The following DIP2C variants were observed in gnomAD, a reference collection of about 807,000 sequenced individuals.
DIP2C encodes disco-interacting protein 2 homolog C.
Under a neutral mutation model 192.4 loss-of-function variants are expected in DIP2C, and 33 were observed. The ratio of observed to expected loss-of-function variants is 0.17; its 90% CI spans 0.13 to 0.23. The LOEUF (loss-of-function observed/expected upper bound fraction) is 0.23, where lower values mean the gene tolerates loss of function less well. DIP2C is among the 10% of genes least tolerant of loss of function. The pLI, the probability that DIP2C is intolerant of heterozygous loss-of-function variation, is 1.00. For missense variants in DIP2C, 1,537 were observed against 2,110.1 expected (o/e 0.73, Z 5.32); for synonymous variants, 979 against 864.1 (o/e 1.13, Z -2.33).
intron 1 of DIP2C, among the ~76,000 whole-genome samples, chr10:502,125 G>C (rs890285214): frequency 6.6e-6 from 1 of 152,214 alleles, no homozygotes; most frequent in Admixed American, 6.5e-5. Flanking sequence ...CAGCATGGGT[G>C]ATAGTGACCC....
At chr10:446,227 C>A (rs1201080218) in intron 3 of DIP2C, among the ~76,000 whole-genome samples, 1 of 151,012 alleles carries the variant, frequency 6.6e-6, no homozygotes, top group Non-Finnish European at 1.5e-5. Context: ...TGTGAAAAGT[C>A]TCACAGTCCA....
chr10:388,385 T>C (rs1013687500), intron 13 of DIP2C, among the ~76,000 whole-genome samples: 3 of 152,208 alleles, frequency 2.0e-5, no homozygotes, highest in African/African-American at 7.2e-5. Context: ...ATGCTGGCCC[T>C]GAACAGACCT....
intron 22 of DIP2C, among the ~76,000 whole-genome samples, chr10:362,010 G>A (rs1480074314): frequency 6.6e-6 from 1 of 151,826 alleles, no homozygotes; most frequent in African/African-American, 2.4e-5. Context: ...GTGGGAGGGG[G>A]CGGAAACAAA....
intron 26 of DIP2C, 148 bp from the exon 27 acceptor site, chr10:345,258 G>A (rs2132592280): frequency 1.2e-6 from 1 of 810,172 alleles, no homozygotes; most frequent in Admixed American, 2.0e-5. Flanking sequence ...GCTGGCTAAG[G>A]TAGGACAGAG....
At chr10:573,008 A>G (rs1849921507) in intron 1 of DIP2C, among the ~76,000 whole-genome samples, 1 of 152,104 alleles carries the variant, frequency 6.6e-6, no homozygotes, top group Admixed American at 6.5e-5. Context: ...GGCAGTAAAT[A>G]AACATGTTTT....
chr10:596,315 G>T (rs540619872), intron 1 of DIP2C, among the ~76,000 whole-genome samples: 2 of 151,964 alleles, frequency 1.3e-5, no homozygotes, highest in Admixed American at 1.3e-4. Context: ...TTTAAGACCA[G>T]CCTGGCCAAC....
At chr10:573,655 C>A (rs1344992055) in intron 1 of DIP2C, among the ~76,000 whole-genome samples, 2 of 152,178 alleles carry the variant, frequency 1.3e-5, no homozygotes, top group African/African-American at 2.4e-5. Flanking sequence ...AGCAATCCGC[C>A]CGCCTCGGCC....
rs1048328524 is a variant in DIP2C at position 277,235 on chromosome 10, G to T, written c.*90C>A. 2.6e-6 allele frequency: 4 copies of T among 1,543,300 alleles called. No homozygotes were observed. The highest frequency in any genetic ancestry group is 1.7e-4 in the Middle Eastern group (1 of 5,804). ...TCTCACCACAAATGGCTGTATTCTG[G>T]TGAGTGTTGCCCTGTGTCTGCACGC... On this transcript the variant is annotated 3_prime_UTR_variant, in exon 37 of 37. Transcript: ENST00000280886.
At chr10:360,332 C>T (rs1050425394) in intron 22 of DIP2C, among the ~76,000 whole-genome samples, 1 of 152,162 alleles carries the variant, frequency 6.6e-6, no homozygotes, top group African/African-American at 2.4e-5. Context: ...TCCCAAATGC[C>T]CCCAGGGTAT....
intron 30 of DIP2C, among the ~76,000 whole-genome samples, chr10:328,963 AAC>A (rs1039432577): frequency 6.6e-6 from 1 of 152,248 alleles, no homozygotes; most frequent in Admixed American, 6.5e-5. Context: ...TAAAAAATGA[AAC>A]ACAACACTGT....
At chr10:334,420 TTCTG>T (rs1230789566) in intron 29 of DIP2C, among the ~76,000 whole-genome samples, 9 of 152,090 alleles carry the variant, frequency 5.9e-5, no homozygotes, top group Admixed American at 3.9e-4. Flanking sequence ...TTCTACTTAA[TTCTG>T]TCTTTTGATA....
intron 1 of DIP2C, among the ~76,000 whole-genome samples, chr10:548,497 A>G (rs1848419223): frequency 7.4e-6 from 1 of 134,886 alleles, no homozygotes; most frequent in Non-Finnish European, 1.6e-5. Context: ...GCCAGAGGTG[A>G]TGTGGCCAGG....
At chr10:577,002 G>A (rs965037053) in intron 1 of DIP2C, among the ~76,000 whole-genome samples, 2 of 152,094 alleles carry the variant, frequency 1.3e-5, no homozygotes, top group African/African-American at 2.4e-5. Context: ...TTCATTAGCT[G>A]GTAGTTGATC....
chr10:462,532 A>G (rs1969877427), intron 3 of DIP2C, among the ~76,000 whole-genome samples: 1 of 152,246 alleles, frequency 6.6e-6, no homozygotes, highest in Non-Finnish European at 1.5e-5. Flanking sequence ...GCAGGAATTA[A>G]TAGCCTACCA....
intron 1 of DIP2C, among the ~76,000 whole-genome samples, chr10:601,923 G>GT (rs574681821): frequency 1.9e-3 from 284 of 152,298 alleles, no homozygotes; most frequent in African/African-American, 5.2e-3. Flanking sequence ...CACGCGTTTT[G>GT]TTCTGATTGA....
chr10:689,388 C>A lies in DIP2C; in HGVS notation c.85+106G>T. The stretch of plus-strand genomic sequence containing the variant: ...CTCCGGGCTGGGGTCGCACCTCCCC[C>A]TCCGGGCCCGGCCCCCGCCCCGCCG... On this transcript the variant is annotated intron_variant, in intron 1 of 36. Transcript: ENST00000280886. This position sits in a 1 kb window ranked among gnomAD's most constrained non-coding sequence, Gnocchi z 6.1. The A allele has an allele frequency of 1.6e-6, 1 of 644,354 alleles. No homozygotes were observed. The highest frequency in any genetic ancestry group is 7.6e-4 in the Middle Eastern group (1 of 1,316). The allele number at this position is 644,354 out of a possible 1,614,324, so 39.9% of individuals were successfully genotyped here. A position where few individuals can be genotyped will look rare whatever the true frequency, so the allele number is the denominator to read the frequency against.
intron 1 of DIP2C, among the ~76,000 whole-genome samples, chr10:562,197 G>A (rs370576172): frequency 6.6e-5 from 10 of 152,196 alleles, no homozygotes; most frequent in Non-Finnish European, 1.5e-4. Flanking sequence ...TGGGCAGGCC[G>A]CATCTGATGT....
intron 31 of DIP2C, among the ~76,000 whole-genome samples, 156 bp from the exon 32 acceptor site, chr10:310,248 C>A (rs1483772418): frequency 6.6e-6 from 1 of 152,194 alleles, no homozygotes; most frequent in Admixed American, 6.5e-5. Flanking sequence ...CACCTGCTAA[C>A]TTTCAGTGTG....
intron 17 of DIP2C, among the ~76,000 whole-genome samples, chr10:374,399 G>A (rs1961327471): frequency 1.3e-5 from 2 of 152,228 alleles, no homozygotes; most frequent in African/African-American, 2.4e-5. Flanking sequence ...CACACTGGCT[G>A]TATTGTGTTG....
Sources: allele counts gnomAD v4.1 joint callset (sites outside exome capture counted in the v4.1 genomes callset), GRCh38; gene constraint gnomAD v4.1.1; non-coding constraint Gnocchi (gnomAD v3.1); transcripts MANE v1.5; gene names NCBI Gene and HGNC (gene_info 2026-07-23, HGNC 2026-07-21).